Variants in IQCM observed in about 807,000 individuals in gnomAD.
IQCM encodes IQ motif containing M.
Under a neutral mutation model 57.6 loss-of-function variants are expected in IQCM, and 45 were observed. The ratio of observed to expected loss-of-function variants is 0.78; its 90% CI spans 0.62 to 1.00. IQCM has a LOEUF of 1.00. Among genes scored for constraint, IQCM ranks in the 50% least tolerant of loss-of-function variants. The pLI is 0.00. For missense variants in IQCM, 468 were observed against 511.6 expected, an observed-to-expected ratio of 0.91 and a Z score of 0.82; for synonymous variants, 148 against 158.9, an observed-to-expected ratio of 0.93 and a Z score of 0.51.
At chr4:149,378,720 A>G (rs983226051) in intron 13 of IQCM, among the ~76,000 whole-genome samples, 3 of 152,192 alleles carry the variant, frequency 2.0e-5, no homozygotes, top group African/African-American at 7.2e-5. Context: ...CTGACAATGT[A>G]ATGTAAAAGA....
At chr4:149,733,747 T>A (rs1766681728) in intron 4 of IQCM, among the ~76,000 whole-genome samples, 1 of 152,124 alleles carries the variant, frequency 6.6e-6, no homozygotes, top group African/African-American at 2.4e-5. Flanking sequence ...AGGATTATAT[T>A]CCCCTTTGAA....
intron 12 of IQCM, among the ~76,000 whole-genome samples, chr4:149,523,548 G>A (rs1327836129): frequency 6.6e-6 from 1 of 152,074 alleles, no homozygotes; most frequent in Non-Finnish European, 1.5e-5. Context: ...TATTCCAGCT[G>A]AGCATGATGA....
At position 149,360,568 on chromosome 4, in the gene IQCM, G is replaced by A. The variant is rs1209603025; in HGVS notation, c.1391-8502C>T. On this transcript the variant is annotated intron_variant, in intron 13 of 13. Coordinates refer to ENST00000636793, the MANE Select transcript of IQCM (RefSeq NM_001363507.2). ...GTGTTGTGGGAGGGACCCAGGGGGA[G>A]GTAACTGAATCATGGGGGCTGATCT... Among the ~76,000 whole-genome samples the A allele has an allele frequency of 2.0e-5, 3 of 152,198 alleles. No individual in the cohort carries two copies. The East Asian group carries it at 5.8e-4, about 29-fold the overall frequency.
At chr4:149,741,277 C>T (rs1013099276) in intron 3 of IQCM, among the ~76,000 whole-genome samples, 1 of 152,040 alleles carries the variant, frequency 6.6e-6, no homozygotes, top group Admixed American at 6.6e-5. Flanking sequence ...ACAAAGTATC[C>T]TGCCTTATTT....
chr4:149,501,256 C>T lies in IQCM; in HGVS notation c.1228+47199G>A, dbSNP rs1316575728. Among the ~76,000 whole-genome samples, 3 of 152,164 alleles carry T rather than the reference C, an allele frequency of 2.0e-5. No individual in the cohort carries two copies. The East Asian group carries it at 5.8e-4, about 29-fold the overall frequency. On this transcript the variant is annotated intron_variant, in intron 12 of 13. Transcript: ENST00000636793. ...CCCATACCTGAATGATTGAACTAAT[C>T]ACATTGTGTGTAAATTTTCTTGCTG...
At chr4:149,649,285 C>G (rs1758944375) in intron 7 of IQCM, among the ~76,000 whole-genome samples, 1 of 151,996 alleles carries the variant, frequency 6.6e-6, no homozygotes, top group East Asian at 1.9e-4. Flanking sequence ...TGCTCTCACC[C>G]TGGCTTAATG....
At chr4:149,623,494 A>G (rs1406122075) in intron 7 of IQCM, among the ~76,000 whole-genome samples, 1 of 152,216 alleles carries the variant, frequency 6.6e-6, no homozygotes, top group African/African-American at 2.4e-5. Context: ...TCCTCAAGGT[A>G]ATCATTCACA....
At chr4:149,563,999 A>G in intron 9 of IQCM, 109 bp from the exon 10 acceptor site, 1 of 517,370 alleles carries the variant, frequency 1.9e-6, no homozygotes, top group Non-Finnish European at 3.0e-6. Flanking sequence ...AATATATTAT[A>G]ACTTGTACAT....
intron 2 of IQCM, among the ~76,000 whole-genome samples, chr4:149,802,135 C>T (rs1773660612): frequency 1.3e-5 from 2 of 151,350 alleles, no homozygotes; most frequent in Admixed American, 1.3e-4. Context: ...AAGTGGCAGC[C>T]AATATGTAAA....
At chr4:149,669,052 A>G (rs959774863) in intron 7 of IQCM, among the ~76,000 whole-genome samples, 1 of 151,932 alleles carries the variant, frequency 6.6e-6, no homozygotes, top group Non-Finnish European at 1.5e-5. Flanking sequence ...AACTGATAGA[A>G]GATGTCTTCC....
At chr4:149,457,080 T>C (rs1737784106) in intron 12 of IQCM, among the ~76,000 whole-genome samples, 1 of 152,126 alleles carries the variant, frequency 6.6e-6, no homozygotes, top group Admixed American at 6.6e-5. Context: ...CAGAGTTATC[T>C]GATTTCAATT....
chr4:149,358,422 T>G (rs1240242334), intron 13 of IQCM, among the ~76,000 whole-genome samples: 1 of 152,204 alleles, frequency 6.6e-6, no homozygotes, highest in African/African-American at 2.4e-5. Context: ...TTTGAATGTG[T>G]CCCATAGATT....
intron 12 of IQCM, among the ~76,000 whole-genome samples, chr4:149,533,649 G>A (rs1393432022): frequency 1.3e-5 from 2 of 152,094 alleles, no homozygotes; most frequent in Non-Finnish European, 2.9e-5. Context: ...TTACATGGCA[G>A]CAGGCAAAGA....
In IQCM at chr4:149,370,860, A is replaced by G. The variant is rs565931192; in HGVS notation, c.1391-18794T>C. Among the ~76,000 whole-genome samples, 9 of 128,730 alleles carry G rather than the reference A, an allele frequency of 7.0e-5. No individual in the cohort carries two copies. In the South Asian group the frequency reaches 2.6e-3, roughly 38 times the overall value. 84.5% of individuals were successfully genotyped at this position (128,730 alleles called of 152,430 possible). A position where few individuals can be genotyped will look rare whatever the true frequency, so the allele number is the denominator to read the frequency against. ...CCTACACACTATATTAAATTCTAGC[A>G]AATGTGTATTTTTATTTTGTTAATT... is the stretch of plus-strand genomic sequence containing the variant. On this transcript the variant is annotated intron_variant, in intron 13 of 13. Coordinates refer to ENST00000636793, the MANE Select transcript of IQCM (RefSeq NM_001363507.2).
At chr4:149,546,250 C>A (rs1647544219) in intron 12 of IQCM, among the ~76,000 whole-genome samples, 1 of 152,174 alleles carries the variant, frequency 6.6e-6, no homozygotes, top group South Asian at 2.1e-4. Flanking sequence ...CAAGTCTTTG[C>A]TATTGTGAAT....
chr4:149,590,418 C>A (rs1029896840), intron 8 of IQCM, among the ~76,000 whole-genome samples: 3 of 151,674 alleles, frequency 2.0e-5, no homozygotes, highest in African/African-American at 7.3e-5. Context: ...TTCTTTCTCT[C>A]TTCTTTACAC....
intron 13 of IQCM, among the ~76,000 whole-genome samples, chr4:149,419,886 A>C (rs1459331579): frequency 6.6e-6 from 1 of 152,172 alleles, no homozygotes; most frequent in Non-Finnish European, 1.5e-5. Flanking sequence ...CAAACATATG[A>C]AAAGAAAATC....
rs564137646 is a variant in IQCM, at chr4:149,626,300, C to G, written c.566-5056G>C. 5.9e-5 allele frequency among the ~76,000 whole-genome samples: 9 copies of G among 151,476 alleles called. No individual in the cohort carries two copies. In the South Asian group the frequency reaches 1.9e-3, roughly 32 times the overall value. On this transcript the variant is annotated intron_variant, in intron 7 of 13. Transcript: ENST00000636793. The stretch of plus-strand genomic sequence containing the variant: ...GACTCCAAATTCTTCAGTTTTGGAG[C>G]TCGCATTGGCTCTCCTTGCTCCTCA...
intron 5 of IQCM, among the ~76,000 whole-genome samples, chr4:149,696,094 T>C (rs1763314168): frequency 6.6e-6 from 1 of 152,178 alleles, no homozygotes; most frequent in Non-Finnish European, 1.5e-5. Context: ...TTTAGACTGG[T>C]TGTCTGCATA....
Sources: gnomAD v4.1 joint callset for allele counts (sites outside exome capture counted in the v4.1 genomes callset) on GRCh38, gnomAD v4.1.1 for gene constraint, MANE v1.5 for transcripts, NCBI Gene and HGNC (gene_info 2026-07-23, HGNC 2026-07-21) for gene names.